ACBD3: variants seen among roughly 807,000 people sequenced by gnomAD.
ACBD3 encodes acyl-CoA binding domain containing 3, also known as Golgi resident protein GCP60.
ACBD3 carries 30 observed loss-of-function variants against 66.9 expected under a neutral mutation model. The observed-to-expected ratio is 0.45, with a 90% CI of 0.34 to 0.61. The LOEUF is 0.61. ACBD3 is among the 20% of genes least tolerant of loss of function. ACBD3 has a pLI of 0.02. For synonymous variants in ACBD3, 278 were observed against 259.8 expected, an observed-to-expected ratio of 1.07 and a Z score of -0.68; for missense variants, 544 against 664.5, an observed-to-expected ratio of 0.82 and a Z score of 1.99.
At chr1:226,182,313 G>GC (rs1388966826) in intron 1 of ACBD3, among the ~76,000 whole-genome samples, 1 of 151,914 alleles carries the variant, frequency 6.6e-6, no homozygotes, top group Non-Finnish European at 1.5e-5. Context: ...TGACAAAAAG[G>GC]CCGAACTATT....
intron 3 of ACBD3, among the ~76,000 whole-genome samples, chr1:226,162,847 A>G (rs1659796399): frequency 6.7e-6 from 1 of 150,246 alleles, no homozygotes; most frequent in South Asian, 2.1e-4. Context: ...CCCAGACTGG[A>G]GTGCAGTGGC....
intron 1 of ACBD3, among the ~76,000 whole-genome samples, chr1:226,181,656 T>A (rs556621902): frequency 1.3e-5 from 2 of 152,192 alleles, no homozygotes; most frequent in African/African-American, 4.8e-5. Flanking sequence ...GTTTTTGGCA[T>A]AGTACCTGAG....
chr1:226,179,653 T>C (rs1656126966), intron 1 of ACBD3, among the ~76,000 whole-genome samples: 2 of 151,456 alleles, frequency 1.3e-5, no homozygotes, highest in African/African-American at 4.9e-5. Flanking sequence ...TGTTGGGAGT[T>C]TGGGACCAGC....
At chr1:226,147,520 C>T (rs1385171657) in intron 7 of ACBD3, among the ~76,000 whole-genome samples, 2 of 152,160 alleles carry the variant, frequency 1.3e-5, no homozygotes, top group Non-Finnish European at 2.9e-5. Context: ...ATGTTGCTCT[C>T]ATCATCCTCC....
rs1234630862 is a variant in ACBD3, at chr1:226,161,527, T to C, written c.728+4A>G. On this transcript the variant is annotated splice_donor_region_variant and intron_variant, in intron 4 of 7. Coordinates refer to ENST00000366812, the MANE Select transcript of ACBD3 (RefSeq NM_022735.4). The stretch of plus-strand genomic sequence containing the variant: ...TTAAAACATAAGCCACATAATAAAC[T>C]TACTTTTGCTGCTCCAACCGAAGCC... The C allele has an allele frequency of 6.2e-7, 1 of 1,610,894 alleles. No homozygotes were observed. Among genetic ancestry groups the C allele is most frequent in the Non-Finnish European group, 8.5e-7 (1 of 1,179,374 alleles).
chr1:226,182,001 C>T (rs1262223136), intron 1 of ACBD3, among the ~76,000 whole-genome samples: 1 of 151,970 alleles, frequency 6.6e-6, no homozygotes, highest in East Asian at 1.9e-4. Flanking sequence ...GAGGCCAAGG[C>T]GGGTGAATCG....
chr1:226,172,087 G>A (rs895781090), intron 1 of ACBD3, among the ~76,000 whole-genome samples: 6 of 141,700 alleles, frequency 4.2e-5, no homozygotes, highest in South Asian at 2.3e-4. Context: ...CCTGGGAGGC[G>A]GAGGTTGCAG....
chr1:226,163,096 C>T (rs1480128167), intron 3 of ACBD3, among the ~76,000 whole-genome samples: 5 of 152,096 alleles, frequency 3.3e-5, no homozygotes, highest in East Asian at 3.9e-4. Flanking sequence ...CCACCACAGG[C>T]GTGAGCCACT....
chr1:226,166,476 G>A (rs531464097), intron 1 of ACBD3, among the ~76,000 whole-genome samples: 18 of 148,388 alleles, frequency 1.2e-4, no homozygotes, highest in Admixed American at 8.8e-4. Flanking sequence ...CGGAAATCCG[G>A]TATGCTGATT....
At chr1:226,157,652 G>A (rs567823085) in intron 5 of ACBD3, among the ~76,000 whole-genome samples, 1 of 152,000 alleles carries the variant, frequency 6.6e-6, no homozygotes, top group Admixed American at 6.6e-5. Flanking sequence ...TGATCCTCTC[G>A]CCTCAGCCTC....
intron 7 of ACBD3, among the ~76,000 whole-genome samples, chr1:226,148,961 T>G (rs927683761): frequency 2.6e-5 from 4 of 152,212 alleles, no homozygotes; most frequent in Admixed American, 2.6e-4. Context: ...TGATTAGGAA[T>G]GGTACAAGTA....
rs1432982087 is a variant in ACBD3 at position 226,161,513 on chromosome 1, G to A, written c.728+18C>T. On this transcript the variant is annotated intron_variant, in intron 4 of 7. Transcript: ENST00000366812. ...TTCCATTTCTCATTTTAAAACATAA[G>A]CCACATAATAAACTTACTTTTGCTG... 6.2e-7 allele frequency: 1 copy of A among 1,608,368 alleles called. No individual in the cohort carries two copies. Among genetic ancestry groups the A allele is most frequent in the East Asian group, 2.2e-5 (1 of 44,826 alleles).
At chr1:226,154,915 A>G (rs1360856284) in intron 5 of ACBD3, 82 bp from the exon 6 acceptor site, 2 of 1,254,840 alleles carry the variant, frequency 1.6e-6, no homozygotes, top group Non-Finnish European at 2.1e-6. Context: ...ATCTGATACC[A>G]TGCTTTTGCC....
chr1:226,172,505 A>G (rs1655852457), intron 1 of ACBD3, among the ~76,000 whole-genome samples: 1 of 152,184 alleles, frequency 6.6e-6, no homozygotes, highest in Non-Finnish European at 1.5e-5. Context: ...CACAAGTTAG[A>G]ATCTAGCCTG....
At chr1:226,185,617 A>C (rs1056318522) in intron 1 of ACBD3, among the ~76,000 whole-genome samples, 37 of 144,530 alleles carry the variant, frequency 2.6e-4, no homozygotes, top group African/African-American at 8.3e-4. Context: ...TGAATCACCC[A>C]ATTAAAAAAA....
chr1:226,166,412 T>C (rs1174024993), intron 1 of ACBD3, among the ~76,000 whole-genome samples: 1 of 151,976 alleles, frequency 6.6e-6, no homozygotes, highest in African/African-American at 2.4e-5. Flanking sequence ...TGCTGGGATT[T>C]GAGCCAGCAT....
intron 1 of ACBD3, among the ~76,000 whole-genome samples, chr1:226,177,119 C>G (rs899920948): frequency 6.6e-6 from 1 of 151,206 alleles, no homozygotes; most frequent in Non-Finnish European, 1.5e-5. Context: ...CTGGGTGAAA[C>G]CAGTCACTGC....
rs537694520 is a variant in ACBD3, at chr1:226,146,248, A to G, written c.*362T>C. ...GAGGACACTGTAACTACGGGCTCTC[A>G]TAAGACACATGGAGCAGGCAGCAAG... On this transcript the variant is annotated 3_prime_UTR_variant, in exon 8 of 8. Transcript: ENST00000366812. 7 of 196,804 alleles carry G rather than the reference A, an allele frequency of 3.6e-5. No individual in the cohort carries two copies. In the East Asian group the frequency reaches 7.0e-4, roughly 20 times the overall value. 12.2% of individuals were successfully genotyped at this position (196,804 alleles called of 1,614,324 possible).
intron 1 of ACBD3, among the ~76,000 whole-genome samples, chr1:226,168,158 GTAT>G (rs1030498897): frequency 3.3e-5 from 5 of 152,042 alleles, no homozygotes; most frequent in African/African-American, 1.2e-4. Flanking sequence ...ATAAAATACT[GTAT>G]TATATTTGTA....
Sources: allele counts gnomAD v4.1 joint callset (sites outside exome capture counted in the v4.1 genomes callset), GRCh38; gene constraint gnomAD v4.1.1; transcripts MANE v1.5; gene names NCBI Gene and HGNC (gene_info 2026-07-23, HGNC 2026-07-21).